VDAC1: variants seen among roughly 807,000 people sequenced by gnomAD.
VDAC1 encodes voltage dependent anion channel 1, also known as non-selective voltage-gated ion channel VDAC1.
In VDAC1, 10 loss-of-function variants were observed where a neutral mutation model predicts 34.7. The observed-to-expected ratio is 0.29, with a 90% CI of 0.18 to 0.49. The LOEUF (loss-of-function observed/expected upper bound fraction) is 0.49. Ranked by LOEUF, VDAC1 falls within the 20% of genes least tolerant of loss-of-function variation. The probability of loss-of-function intolerance (pLI) is 0.99; values close to 1 mark genes in which losing one functional copy is unlikely to be tolerated. For missense variants in VDAC1, 230 were observed against 347.9 expected (o/e 0.66, Z 2.69); for synonymous variants, 130 against 136.0 (o/e 0.96, Z 0.30).
chr5:134,081,623 T>C, the VDAC1 span, among the ~76,000 whole-genome samples: 1 of 152,176 alleles, frequency 6.6e-6, no homozygotes, highest in Non-Finnish European at 1.5e-5. Flanking sequence ...AAATCCCAAA[T>C]AAATAAGAGA....
the VDAC1 span, among the ~76,000 whole-genome samples, chr5:134,028,317 G>A: frequency 7.0e-6 from 1 of 143,426 alleles, no homozygotes; most frequent in Non-Finnish European, 1.5e-5. Context: ...CTTTTTAGTA[G>A]GGACAGGGTT....
At chr5:134,109,984 G>A in the VDAC1 span, among the ~76,000 whole-genome samples, 2 of 152,152 alleles carry the variant, frequency 1.3e-5, no homozygotes, top group Admixed American at 1.3e-4. Flanking sequence ...GTTTGCCTTC[G>A]CTGTCGCCAC....
chr5:134,053,492 A>C, the VDAC1 span, among the ~76,000 whole-genome samples: 1 of 152,214 alleles, frequency 6.6e-6, no homozygotes, highest in African/African-American at 2.4e-5. Context: ...GCCAGGAAGG[A>C]GGATCCTGCA....
At chr5:134,008,154 C>A (rs1421709084), upstream of VDAC1, among the ~76,000 whole-genome samples, 1 of 151,992 alleles carries the variant, frequency 6.6e-6, no homozygotes. Context: ...CCTCCCACCG[C>A]CCCCGATCCC....
upstream of VDAC1, among the ~76,000 whole-genome samples, chr5:134,005,857 C>A (rs1753737658): frequency 6.6e-6 from 1 of 152,226 alleles, no homozygotes; most frequent in Non-Finnish European, 1.5e-5. Context: ...CAACAAACGT[C>A]CTGGAAGGCT....
chr5:133,995,773 AC>A (rs1253085880), intron 1 of VDAC1, among the ~76,000 whole-genome samples: 3 of 152,170 alleles, frequency 2.0e-5, no homozygotes, highest in African/African-American at 7.2e-5. Context: ...CAGCTCTCGA[AC>A]CCATTTCAGA....
At chr5:134,043,597 A>G in the VDAC1 span, among the ~76,000 whole-genome samples, 1 of 151,972 alleles carries the variant, frequency 6.6e-6, no homozygotes, top group Non-Finnish European at 1.5e-5. Flanking sequence ...TAGTGGTGCA[A>G]TCACGGCTCA....
At chr5:134,030,425 GCC>G in the VDAC1 span, among the ~76,000 whole-genome samples, 1 of 152,072 alleles carries the variant, frequency 6.6e-6, no homozygotes, top group African/African-American at 2.4e-5. Flanking sequence ...GGACAGGGAG[GCC>G]CCAGTAATGC....
chr5:134,036,993 G>A, the VDAC1 span, among the ~76,000 whole-genome samples: 7 of 152,036 alleles, frequency 4.6e-5, no homozygotes, highest in East Asian at 1.2e-3. Flanking sequence ...CAAAAAAACT[G>A]AAGCAAATGC....
chr5:134,065,189 CA>C, the VDAC1 span, among the ~76,000 whole-genome samples: 5 of 150,954 alleles, frequency 3.3e-5, no homozygotes, highest in East Asian at 3.9e-4. Context: ...TAGCTGATTC[CA>C]AAAAAAATTT....
chr5:133,995,139 A>C (rs539787700), intron 1 of VDAC1, among the ~76,000 whole-genome samples: 1 of 152,182 alleles, frequency 6.6e-6, no homozygotes, highest in South Asian at 2.1e-4. Context: ...CCTGAAGTAC[A>C]AGGCCACTAA....
the VDAC1 span, among the ~76,000 whole-genome samples, chr5:134,054,228 G>A: frequency 6.6e-6 from 1 of 152,062 alleles, no homozygotes; most frequent in Non-Finnish European, 1.5e-5. Flanking sequence ...TGTTTTTAAT[G>A]CTTGATTTAC....
the VDAC1 span, among the ~76,000 whole-genome samples, chr5:134,019,967 A>G: frequency 3.3e-5 from 5 of 152,106 alleles, no homozygotes; most frequent in African/African-American, 1.2e-4. Context: ...TAGATACACA[A>G]TTAATAGCCA....
At chr5:134,095,697 C>T in the VDAC1 span, among the ~76,000 whole-genome samples, 2 of 152,092 alleles carry the variant, frequency 1.3e-5, no homozygotes, top group Non-Finnish European at 2.9e-5. Flanking sequence ...CGAGCTGAGG[C>T]GCAGGACTCT....
chr5:134,082,437 T>A, the VDAC1 span, among the ~76,000 whole-genome samples: 1 of 152,248 alleles, frequency 6.6e-6, no homozygotes, highest in African/African-American at 2.4e-5. Flanking sequence ...CTCCATTGCA[T>A]GGATATGCCA....
intron 7 of VDAC1, among the ~76,000 whole-genome samples, chr5:133,975,485 G>A (rs112457502): frequency 0.15 from 22,295 of 146,040 alleles, 1,842 homozygotes; most frequent in East Asian, 0.33. Flanking sequence ...TTTTGAGATA[G>A]AATCTCACTC....
the VDAC1 span, among the ~76,000 whole-genome samples, chr5:134,022,982 C>T: frequency 1.3e-5 from 2 of 151,990 alleles, no homozygotes; most frequent in Non-Finnish European, 2.9e-5. Flanking sequence ...TGGTGTATAC[C>T]CAAAGGATTA....
At chr5:134,035,934 C>T in the VDAC1 span, among the ~76,000 whole-genome samples, 2 of 145,884 alleles carry the variant, frequency 1.4e-5, no homozygotes, top group African/African-American at 2.5e-5. Flanking sequence ...TGGACCCTGG[C>T]GGCAGAGGTT....
At chr5:134,078,713 C>T in the VDAC1 span, among the ~76,000 whole-genome samples, 28 of 141,560 alleles carry the variant, frequency 2.0e-4, no homozygotes, top group Admixed American at 1.2e-3. Flanking sequence ...TGCAATGGCA[C>T]GATCTTGGCT....
Sources: gnomAD v4.1 joint callset for allele counts (sites outside exome capture counted in the v4.1 genomes callset) on GRCh38, gnomAD v4.1.1 for gene constraint, MANE v1.5 for transcripts, NCBI Gene and HGNC (gene_info 2026-07-23, HGNC 2026-07-21) for gene names.